The following VTI1A variants were observed in gnomAD, a reference collection of about 807,000 sequenced individuals.
VTI1A encodes vesicle transport through interaction with t-SNAREs 1A.
A neutral mutation model predicts 34.9 loss-of-function variants in VTI1A; 22 were observed. That is an observed-to-expected ratio of 0.63 (90% CI 0.45 to 0.90). The LOEUF is 0.90. Among genes scored for constraint, VTI1A ranks in the 40% least tolerant of loss-of-function variants. The pLI is 0.00. For missense variants in VTI1A, 268 were observed against 275.6 expected, an observed-to-expected ratio of 0.97 and a Z score of 0.20; for synonymous variants, 87 against 97.3, an observed-to-expected ratio of 0.89 and a Z score of 0.62.
chr10:112,731,431 C>T (rs1850254480), intron 7 of VTI1A, among the ~76,000 whole-genome samples: 1 of 152,012 alleles, frequency 6.6e-6, no homozygotes. Flanking sequence ...AAAAATTAGC[C>T]AGGCATGGTG....
chr10:112,600,451 C>T (rs1487530930), intron 5 of VTI1A, among the ~76,000 whole-genome samples: 1 of 152,154 alleles, frequency 6.6e-6, no homozygotes, highest in Non-Finnish European at 1.5e-5. Flanking sequence ...TTACTTGCTC[C>T]TCTAAAATAC....
intron 5 of VTI1A, among the ~76,000 whole-genome samples, chr10:112,591,295 C>T (rs1185269332): frequency 3.3e-5 from 5 of 152,094 alleles, no homozygotes; most frequent in African/African-American, 7.2e-5. Flanking sequence ...CCGAGGCAGG[C>T]GGATCATGAG....
chr10:112,658,428 A>G (rs1847317082), intron 5 of VTI1A, among the ~76,000 whole-genome samples: 1 of 152,110 alleles, frequency 6.6e-6, no homozygotes, highest in Admixed American at 6.6e-5. Flanking sequence ...TGTTCTAAAA[A>G]TCTTTGATTC....
chr10:112,813,135 G>C (rs747399913), intron 7 of VTI1A, among the ~76,000 whole-genome samples: 4 of 152,210 alleles, frequency 2.6e-5, no homozygotes, highest in Non-Finnish European at 5.9e-5. Context: ...GCAACAGAGC[G>C]GGCGGTGGAG....
intron 5 of VTI1A, among the ~76,000 whole-genome samples, chr10:112,651,305 G>A (rs1847006598): frequency 6.6e-6 from 1 of 152,106 alleles, no homozygotes. Context: ...TCTCTTAGTG[G>A]AATAGCCCCT....
intron 3 of VTI1A, among the ~76,000 whole-genome samples, chr10:112,475,208 A>G (rs1489124693): frequency 1.3e-5 from 2 of 152,232 alleles, no homozygotes; most frequent in Non-Finnish European, 2.9e-5. Flanking sequence ...GACTATTTTT[A>G]TGATGACAAC....
chr10:112,503,208 A>AT (rs1312163425), intron 3 of VTI1A, among the ~76,000 whole-genome samples: 1 of 151,862 alleles, frequency 6.6e-6, no homozygotes, highest in Non-Finnish European at 1.5e-5. Context: ...ACCAGGTCTT[A>AT]TTTTTTCTGT....
intron 5 of VTI1A, among the ~76,000 whole-genome samples, chr10:112,626,649 A>T (rs1481594582): frequency 1.3e-5 from 2 of 152,174 alleles, no homozygotes; most frequent in East Asian, 3.9e-4. Flanking sequence ...CTAGCCGCTT[A>T]CAAAGGAGAA....
At chr10:112,692,802 C>A (rs999015824) in intron 7 of VTI1A, among the ~76,000 whole-genome samples, 2 of 152,198 alleles carry the variant, frequency 1.3e-5, no homozygotes, top group Non-Finnish European at 2.9e-5. Context: ...TCTCGTTTCT[C>A]CAGTGGTCTG....
the VTI1A span, among the ~76,000 whole-genome samples, chr10:112,853,079 C>T: frequency 1.1e-4 from 17 of 152,318 alleles, 1 homozygote; most frequent in South Asian, 4.1e-4. Flanking sequence ...CCACCGCGCC[C>T]GGCCAGGGCT....
chr10:112,730,200 A>C (rs1319416759), intron 7 of VTI1A, among the ~76,000 whole-genome samples: 1 of 152,148 alleles, frequency 6.6e-6, no homozygotes, highest in Non-Finnish European at 1.5e-5. Flanking sequence ...TTTAAGGGGG[A>C]GAGGTTACAG....
At chr10:112,736,573 A>G (rs915098914) in intron 7 of VTI1A, 5 of 1,262,820 alleles carry the variant, frequency 4.0e-6, no homozygotes, top group Non-Finnish European at 5.4e-6. Flanking sequence ...ATGCAAGGAA[A>G]AGGCATGACT....
At chr10:112,618,504 T>G (rs1189788382) in intron 5 of VTI1A, among the ~76,000 whole-genome samples, 46 of 38,862 alleles carry the variant, frequency 1.2e-3, no homozygotes, top group African/African-American at 3.5e-3. Context: ...TATATATATA[T>G]ATATATATAT....
intron 7 of VTI1A, among the ~76,000 whole-genome samples, chr10:112,700,760 A>T (rs576528570): frequency 1.5e-4 from 23 of 152,346 alleles, no homozygotes; most frequent in African/African-American, 4.3e-4. Flanking sequence ...TTGATTTTTT[A>T]AAAATGTTTA....
At chr10:112,843,228 A>T in the VTI1A span, among the ~76,000 whole-genome samples, 3 of 152,232 alleles carry the variant, frequency 2.0e-5, no homozygotes, top group Non-Finnish European at 2.9e-5. Flanking sequence ...ATTCTGGGAA[A>T]TGCAGTTCCA....
chr10:112,581,469 C>T (rs568526993), intron 5 of VTI1A, among the ~76,000 whole-genome samples: 31 of 152,198 alleles, frequency 2.0e-4, no homozygotes, highest in Non-Finnish European at 3.8e-4. Context: ...CTTAGGCTTT[C>T]AGCCTCACTT....
intron 7 of VTI1A, among the ~76,000 whole-genome samples, chr10:112,689,224 A>G (rs913347698): frequency 3.3e-5 from 5 of 152,220 alleles, no homozygotes; most frequent in African/African-American, 1.2e-4. Flanking sequence ...ACTTTTCCCA[A>G]GGTATTCCCT....
At chr10:112,645,300 C>T (rs963688233) in intron 5 of VTI1A, among the ~76,000 whole-genome samples, 2 of 152,202 alleles carry the variant, frequency 1.3e-5, no homozygotes, top group Non-Finnish European at 2.9e-5. Context: ...TCCCCTTTGC[C>T]ACCTATCTTA....
chr10:112,741,241 A>G (rs1288047976), intron 7 of VTI1A, among the ~76,000 whole-genome samples: 1 of 152,200 alleles, frequency 6.6e-6, no homozygotes, highest in African/African-American at 2.4e-5. Context: ...AGATCACTTG[A>G]GGTCAGGAGT....
Sources: gnomAD v4.1 joint callset for allele counts (sites outside exome capture counted in the v4.1 genomes callset) on GRCh38, gnomAD v4.1.1 for gene constraint, MANE v1.5 for transcripts, NCBI Gene and HGNC (gene_info 2026-07-23, HGNC 2026-07-21) for gene names.